The following GRIA1 variants were observed in gnomAD, a reference collection of about 807,000 sequenced individuals.
The protein encoded by GRIA1 is glutamate ionotropic receptor AMPA type subunit 1.
In GRIA1, 31 loss-of-function variants were observed where a neutral mutation model predicts 99.2. The observed-to-expected ratio is 0.31, with a 90% CI of 0.23 to 0.42. The LOEUF (loss-of-function observed/expected upper bound fraction) is 0.42. Among genes scored for constraint, GRIA1 ranks in the 10% least tolerant of loss-of-function variants. The probability of loss-of-function intolerance (pLI) is 1.00; values close to 1 mark genes in which losing one functional copy is unlikely to be tolerated. For synonymous variants in GRIA1, 438 were observed against 432.4 expected, an observed-to-expected ratio of 1.01 and a Z score of -0.16; for missense variants, 782 against 1,157.5, an observed-to-expected ratio of 0.68 and a Z score of 4.71.
intron 11 of GRIA1, among the ~76,000 whole-genome samples, chr5:153,706,578 C>G (rs11741081): frequency 0.081 from 12,305 of 152,250 alleles, 570 homozygotes; most frequent in African/African-American, 0.11. Context: ...GCTGTCCTTT[C>G]CTATTTCTGC....
chr5:153,760,827 A>T (rs1581611011), intron 11 of GRIA1, among the ~76,000 whole-genome samples: 1 of 152,238 alleles, frequency 6.6e-6, no homozygotes, highest in Non-Finnish European at 1.5e-5. Context: ...TAAAACAAAC[A>T]CAACACACAG....
chr5:153,768,742 A>G (rs1763686696), intron 12 of GRIA1, among the ~76,000 whole-genome samples: 2 of 152,334 alleles, frequency 1.3e-5, no homozygotes, highest in Middle Eastern at 3.4e-3. Context: ...ATGTATAATG[A>G]TAATTTTATA....
At chr5:153,585,561 G>A (rs1037724336) in intron 2 of GRIA1, among the ~76,000 whole-genome samples, 3 of 151,820 alleles carry the variant, frequency 2.0e-5, no homozygotes, top group African/African-American at 7.3e-5. Flanking sequence ...CGCCCTCCTC[G>A]GCCTCCCAAA....
At chr5:153,756,913 A>G (rs1762870744) in intron 11 of GRIA1, among the ~76,000 whole-genome samples, 1 of 152,210 alleles carries the variant, frequency 6.6e-6, no homozygotes. Flanking sequence ...ATTGACATAC[A>G]TCCACAAGCA....
Position 153,781,709 on chromosome 5 carries a change from C to G in GRIA1, c.2270+11294C>G, listed in dbSNP as rs574130595. Among the ~76,000 whole-genome samples the G allele has an allele frequency of 1.5e-3, 208 of 139,292 alleles. 3 individuals are homozygous for G. The highest frequency in any genetic ancestry group is 5.0e-3 in the African/African-American group (195 of 39,022). The allele number at this position is 139,292 out of a possible 152,430, so 91.4% of individuals were successfully genotyped here. A position where few individuals can be genotyped will look rare whatever the true frequency, so the allele number is the denominator to read the frequency against. On this transcript the variant is annotated intron_variant, in intron 13 of 15. Coordinates refer to ENST00000285900, the MANE Select transcript of GRIA1 (RefSeq NM_000827.4). ...ATAGACCACATAACACAAATTAAAC[C>G]AACTGACAACTTGTAGGTCTCTTTG... is the stretch of plus-strand genomic sequence containing the variant.
intron 11 of GRIA1, among the ~76,000 whole-genome samples, chr5:153,747,802 C>T (rs2149585376): frequency 6.6e-6 from 1 of 152,324 alleles, no homozygotes; most frequent in East Asian, 1.9e-4. Flanking sequence ...CCCACCTCTG[C>T]ATGTCCTTAG....
chr5:153,715,631 A>T (rs553966224), intron 11 of GRIA1, among the ~76,000 whole-genome samples: 4 of 152,290 alleles, frequency 2.6e-5, no homozygotes, highest in Admixed American at 6.5e-5. Flanking sequence ...CGGGGGTGAC[A>T]CACTGTAAAT....
chr5:153,706,226 C>T (rs1758889204), intron 11 of GRIA1, 159 bp downstream of exon 11: 3 of 709,382 alleles, frequency 4.2e-6, no homozygotes, highest in Non-Finnish European at 2.3e-6. Context: ...CCATTGCACG[C>T]TGTGGATTAT....
At chr5:153,696,818 A>G (rs1441106723) in intron 8 of GRIA1, among the ~76,000 whole-genome samples, 1 of 151,796 alleles carries the variant, frequency 6.6e-6, no homozygotes, top group Non-Finnish European at 1.5e-5. Flanking sequence ...TTAGAGACAG[A>G]GATAAAGAGA....
chr5:153,715,291 ATTGTTCCCTCTGCTT>A (rs1759593117), intron 11 of GRIA1, among the ~76,000 whole-genome samples: 1 of 151,714 alleles, frequency 6.6e-6, no homozygotes, highest in Admixed American at 6.6e-5. Context: ...TTATGCCTTT[ATTGTTCCCTCTGCTT>A]GGAGTGACTT....
At chr5:153,582,006 C>T (rs1763087370) in intron 2 of GRIA1, among the ~76,000 whole-genome samples, 1 of 152,154 alleles carries the variant, frequency 6.6e-6, no homozygotes, top group African/African-American at 2.4e-5. Flanking sequence ...GATCTACGTG[C>T]CTCAACCTCC....
intron 13 of GRIA1, among the ~76,000 whole-genome samples, chr5:153,789,639 T>C (rs1765176680): frequency 6.6e-6 from 1 of 152,222 alleles, no homozygotes; most frequent in Admixed American, 6.5e-5. Context: ...GCTTAATCCA[T>C]ATGTTGTGCC....
intron 11 of GRIA1, among the ~76,000 whole-genome samples, chr5:153,764,002 T>C (rs1406676448): frequency 1.3e-5 from 2 of 152,234 alleles, no homozygotes; most frequent in Admixed American, 1.3e-4. Flanking sequence ...TCTGAAAACA[T>C]GTCTAAACCA....
chr5:153,550,947 G>A (rs1760079313), intron 2 of GRIA1, among the ~76,000 whole-genome samples: 1 of 152,178 alleles, frequency 6.6e-6, no homozygotes, highest in Admixed American at 6.5e-5. Context: ...GTGCAGGTTA[G>A]TTACATATGT....
intron 2 of GRIA1, among the ~76,000 whole-genome samples, chr5:153,569,119 T>C (rs528306753): frequency 1.3e-5 from 2 of 152,338 alleles, no homozygotes; most frequent in Admixed American, 1.3e-4. Context: ...TCTTCATAAC[T>C]AAATTGTAGT....
intron 2 of GRIA1, among the ~76,000 whole-genome samples, chr5:153,601,943 T>C (rs1268276493): frequency 6.6e-6 from 1 of 152,218 alleles, no homozygotes; most frequent in Non-Finnish European, 1.5e-5. Context: ...TAGGACAAAG[T>C]TGTTCTCTCA....
chr5:153,562,096 C>A (rs563299131), intron 2 of GRIA1, among the ~76,000 whole-genome samples: 1 of 150,878 alleles, frequency 6.6e-6, no homozygotes, highest in South Asian at 2.1e-4. Context: ...CATTTGAGAA[C>A]CAAGTTCATT....
At chr5:153,780,303 T>A (rs1764548797) in intron 13 of GRIA1, among the ~76,000 whole-genome samples, 1 of 152,168 alleles carries the variant, frequency 6.6e-6, no homozygotes, top group Non-Finnish European at 1.5e-5. Flanking sequence ...TGTGTTTTGG[T>A]GTTCCTGAGA....
chr5:153,506,044 C>T (rs1259197319), intron 2 of GRIA1, among the ~76,000 whole-genome samples: 8 of 152,124 alleles, frequency 5.3e-5, no homozygotes, highest in Non-Finnish European at 2.9e-5. Context: ...GAATGAGGTG[C>T]CCTGGAAAAA....
Sources: gnomAD v4.1 joint callset for allele counts (sites outside exome capture counted in the v4.1 genomes callset) on GRCh38, gnomAD v4.1.1 for gene constraint, MANE v1.5 for transcripts, NCBI Gene and HGNC (gene_info 2026-07-23, HGNC 2026-07-21) for gene names.